The following NLGN1 variants were observed in gnomAD, a reference collection of about 807,000 sequenced individuals.
NLGN1 encodes neuroligin-1.
In NLGN1, 12 loss-of-function variants were observed where a neutral mutation model predicts 65.5. The observed-to-expected ratio is 0.18, with a 90% CI of 0.12 to 0.30. NLGN1 has a LOEUF of 0.30. Among genes scored for constraint, NLGN1 ranks in the 10% least tolerant of loss-of-function variants. NLGN1 has a pLI of 1.00. For missense variants in NLGN1, 750 were observed against 1,007.1 expected, an observed-to-expected ratio of 0.74 and a Z score of 3.46; for synonymous variants, 350 against 359.5, an observed-to-expected ratio of 0.97 and a Z score of 0.30.
chr3:173,603,958 G>C (rs1055572700), intron 2 of NLGN1, among the ~76,000 whole-genome samples: 2 of 152,034 alleles, frequency 1.3e-5, no homozygotes, highest in African/African-American at 4.8e-5. Flanking sequence ...AGTGATTGAA[G>C]ACTATTAATA....
chr3:173,576,079 A>C (rs990283103), intron 2 of NLGN1, among the ~76,000 whole-genome samples: 10 of 152,140 alleles, frequency 6.6e-5, no homozygotes, highest in African/African-American at 2.4e-4. Context: ...ATATATTTAT[A>C]TGGAAGCAAT....
At chr3:173,536,345 A>G (rs1018681268) in intron 2 of NLGN1, among the ~76,000 whole-genome samples, 1 of 152,118 alleles carries the variant, frequency 6.6e-6, no homozygotes, top group Non-Finnish European at 1.5e-5. Context: ...GTTTTCTTTG[A>G]CTTATTCCCA....
chr3:174,172,764 T>C (rs1354055455), intron 4 of NLGN1, among the ~76,000 whole-genome samples: 1 of 152,160 alleles, frequency 6.6e-6, no homozygotes, highest in East Asian at 1.9e-4. Flanking sequence ...TCCTCCAGTT[T>C]TGTTCTTTTT....
intron 4 of NLGN1, among the ~76,000 whole-genome samples, chr3:174,102,098 T>C (rs1712644985): frequency 6.6e-6 from 1 of 152,188 alleles, no homozygotes; most frequent in Non-Finnish European, 1.5e-5. Flanking sequence ...ATTATATGCA[T>C]AAGTTTAGAT....
chr3:173,993,302 A>G (rs1369467985), intron 4 of NLGN1, among the ~76,000 whole-genome samples: 1 of 152,194 alleles, frequency 6.6e-6, no homozygotes, highest in African/African-American at 2.4e-5. Flanking sequence ...GCAAATCACC[A>G]ATGTAGTTGT....
chr3:173,582,822 C>A (rs571127926), intron 2 of NLGN1, among the ~76,000 whole-genome samples: 1 of 151,678 alleles, frequency 6.6e-6, no homozygotes, highest in East Asian at 1.9e-4. Flanking sequence ...GTTTAGTAAA[C>A]CTTTCTGTTC....
chr3:173,698,314 G>T (rs573046138), intron 3 of NLGN1, among the ~76,000 whole-genome samples: 1 of 152,124 alleles, frequency 6.6e-6, no homozygotes, highest in Non-Finnish European at 1.5e-5. Flanking sequence ...TTATCAAATC[G>T]AAGATTTTTT....
chr3:173,907,842 C>T (rs1455451144), intron 4 of NLGN1, among the ~76,000 whole-genome samples: 1 of 151,952 alleles, frequency 6.6e-6, no homozygotes, highest in Non-Finnish European at 1.5e-5. Flanking sequence ...GCCTCAGACT[C>T]CCAAAGTGCT....
chr3:173,701,684 A>G (rs907670763), intron 3 of NLGN1, among the ~76,000 whole-genome samples: 3 of 152,222 alleles, frequency 2.0e-5, no homozygotes, highest in Non-Finnish European at 4.4e-5. Flanking sequence ...TGAGGTTTGA[A>G]TTAGAACAGA....
chr3:173,787,735 T>A (rs1298935583), intron 3 of NLGN1, among the ~76,000 whole-genome samples: 1 of 152,198 alleles, frequency 6.6e-6, no homozygotes, highest in Non-Finnish European at 1.5e-5. Flanking sequence ...ATACCTTAAT[T>A]TGCTCATGGG....
chr3:173,871,934 C>A (rs938045695), intron 4 of NLGN1, among the ~76,000 whole-genome samples: 1 of 152,158 alleles, frequency 6.6e-6, no homozygotes, highest in African/African-American at 2.4e-5. Flanking sequence ...ATCATAGGAC[C>A]TTTCAATTTC....
intron 3 of NLGN1, among the ~76,000 whole-genome samples, chr3:173,624,880 A>G (rs1483793459): frequency 6.7e-6 from 1 of 150,302 alleles, no homozygotes; most frequent in Non-Finnish European, 1.5e-5. Flanking sequence ...CTTTATTTAT[A>G]TTTTTTTTCT....
At chr3:174,208,664 GAAA>G (rs35797766) in intron 4 of NLGN1, among the ~76,000 whole-genome samples, 70,450 of 144,196 alleles carry the variant, frequency 0.49, 17,627 homozygotes, top group East Asian at 0.74. Flanking sequence ...CCATTATAGG[GAAA>G]AAAAAAAAAA....
At position 173,537,483 on chromosome 3, in the gene NLGN1, A is replaced by AGTGTGT. The variant is rs35226730; in HGVS notation, c.-320-66777_-320-66772dup. ...AGGGAAGAAAAAAAGGTATTTGCTT[A>AGTGTGT]GTGTGTGTGTGTGTGTGTGTGTGTT... On this transcript the variant is annotated intron_variant, in intron 2 of 6. Transcript: ENST00000457714. Among the ~76,000 whole-genome samples the AGTGTGT allele has an allele frequency of 6.6e-3, 985 of 149,100 alleles. 12 individuals carry two copies. The highest frequency in any genetic ancestry group is 0.021 in the African/African-American group (875 of 40,772).
chr3:173,644,462 G>T, intron 3 of NLGN1: 1 of 159,074 alleles, frequency 6.3e-6, no homozygotes, highest in Non-Finnish European at 1.5e-5. Flanking sequence ...TCATCTACAC[G>T]CTTTGGCTCT....
At chr3:173,476,849 A>T in intron 2 of NLGN1, among the ~76,000 whole-genome samples, 1 of 152,148 alleles carries the variant, frequency 6.6e-6, no homozygotes. Flanking sequence ...GAATGGAAGA[A>T]AGATCTACCA....
intron 4 of NLGN1, among the ~76,000 whole-genome samples, chr3:174,047,415 G>A (rs1024900470): frequency 6.6e-6 from 1 of 151,976 alleles, no homozygotes; most frequent in African/African-American, 2.4e-5. Context: ...ACTGAGAATT[G>A]GGTTAGGAAT....
intron 2 of NLGN1, among the ~76,000 whole-genome samples, chr3:173,583,634 A>G (rs1257191895): frequency 1.3e-5 from 2 of 152,218 alleles, no homozygotes; most frequent in African/African-American, 2.4e-5. Flanking sequence ...TCAAAGTGTG[A>G]TTAGAGCGCT....
intron 2 of NLGN1, among the ~76,000 whole-genome samples, chr3:173,539,772 TA>T: frequency 8.2e-6 from 1 of 121,674 alleles, no homozygotes; most frequent in East Asian, 2.6e-4. Flanking sequence ...TGTACATATA[TA>T]ACACATATAT....
Sources: allele counts gnomAD v4.1 joint callset (sites outside exome capture counted in the v4.1 genomes callset), GRCh38; gene constraint gnomAD v4.1.1; transcripts MANE v1.5; gene names NCBI Gene and HGNC (gene_info 2026-07-23, HGNC 2026-07-21).